OSBPL1A: variants seen among roughly 807,000 people sequenced by gnomAD.
OSBPL1A encodes oxysterol-binding protein-related protein 1.
A neutral mutation model predicts 137.1 loss-of-function variants in OSBPL1A; 80 were observed. That is an observed-to-expected ratio of 0.58 (90% CI 0.49 to 0.70). The LOEUF is 0.70. OSBPL1A is among the 30% of genes least tolerant of loss of function. OSBPL1A has a pLI of 0.00. For missense variants in OSBPL1A, 970 were observed against 1,129.4 expected (o/e 0.86, Z 2.02); for synonymous variants, 365 against 389.7 (o/e 0.94, Z 0.75).
In OSBPL1A at chr18:24,179,731, G is replaced by C. The variant is rs1282153883; in HGVS notation, c.1910+7C>G. On this transcript the variant is annotated splice_region_variant and intron_variant, in intron 20 of 27. Coordinates refer to ENST00000319481, the MANE Select transcript of OSBPL1A (RefSeq NM_080597.4). The stretch of plus-strand genomic sequence containing the variant: ...GCTGTATAAAGCATGCAAGTGAAAG[G>C]CCTCACCGCACTAATTCATAAGTCT... 6.2e-7 allele frequency: 1 copy of C among 1,611,182 alleles called. No homozygotes were observed. Among genetic ancestry groups the C allele is most frequent in the African/African-American group, 1.3e-5 (1 of 74,828 alleles).
chr18:24,247,089 C>T, intron 15 of OSBPL1A, among the ~76,000 whole-genome samples: 1 of 151,978 alleles, frequency 6.6e-6, no homozygotes, highest in East Asian at 1.9e-4. Context: ...TAGATAGCAA[C>T]ATTAAGGGAG....
intron 14 of OSBPL1A, among the ~76,000 whole-genome samples, chr18:24,295,387 C>A (rs933793529): frequency 2.6e-5 from 4 of 152,058 alleles, no homozygotes; most frequent in Non-Finnish European, 4.4e-5. Flanking sequence ...CTGATTATTT[C>A]TTTTTCTGTG....
In OSBPL1A at chr18:24,164,944, T is replaced by G. The variant is rs1477093443; in HGVS notation, c.2750+121A>C. 13 of 949,520 alleles carry G rather than the reference T, an allele frequency of 1.4e-5. No individual in the cohort carries two copies. In the Admixed American group the frequency reaches 3.0e-4, roughly 22 times the overall value. The allele number at this position is 949,520 out of a possible 1,614,324, so 58.8% of individuals were successfully genotyped here. A position where few individuals can be genotyped will look rare whatever the true frequency, so the allele number is the denominator to read the frequency against. ...AACTTTTTTTCAGGCCTGGGACAAC[T>G]CGGCAGGGTTTGTGTTAGATAGGCC... is the stretch of plus-strand genomic sequence containing the variant. On this transcript the variant is annotated intron_variant, in intron 27 of 27. Coordinates refer to ENST00000319481, the MANE Select transcript of OSBPL1A (RefSeq NM_080597.4).
At chr18:24,239,726 A>G (rs964191226) in intron 15 of OSBPL1A, among the ~76,000 whole-genome samples, 5 of 152,152 alleles carry the variant, frequency 3.3e-5, no homozygotes. Flanking sequence ...CATTAAGTAC[A>G]CAGTTAAAAA....
At chr18:24,347,841 G>GAAAAAAAAAAA (rs34599277) in intron 4 of OSBPL1A, 1 of 55,742 alleles carries the variant, frequency 1.8e-5, no homozygotes, top group Non-Finnish European at 3.2e-5. Flanking sequence ...CACTCCATCT[G>GAAAAAAAAAAA]AAAAAAAAAA....
intron 4 of OSBPL1A, among the ~76,000 whole-genome samples, chr18:24,362,245 A>G (rs1477429534): frequency 6.9e-6 from 1 of 143,926 alleles, no homozygotes; most frequent in Non-Finnish European, 1.5e-5. Flanking sequence ...GCAAGACCAT[A>G]AAAAAAAACA....
In OSBPL1A at chr18:24,178,020, G is replaced by A. The variant is rs1310058137; in HGVS notation, c.2086C>T (p.Leu696Phe). The A allele has an allele frequency of 6.2e-7, 1 of 1,613,486 alleles. No homozygotes were observed. The highest frequency in any genetic ancestry group is 8.5e-7 in the Non-Finnish European group (1 of 1,179,552). Residue 696 changes from leucine (L) to phenylalanine (F), a missense_variant, in exon 21 of 28, where the codon CTC (leucine) becomes TTC (phenylalanine). By Grantham distance (22) the Leu-to-Phe change is conservative. Around this residue, in one of 2 missense-constraint regions of OSBPL1A, gnomAD observed 323 missense variants for 456.8 expected, o/e 0.71. Coordinates refer to ENST00000319481, the MANE Select transcript of OSBPL1A (RefSeq NM_080597.4). ...GGCTTGATCAGAACTCACTCAAGGA[G>A]CTCCAAGGTGATGGTTCCTTTGGGT... ...AEPKGTITLELLEHNEAYTWT... is the reference protein window; with the variant it reads ...AEPKGTITLEFLEHNEAYTWT...
intron 17 of OSBPL1A, among the ~76,000 whole-genome samples, chr18:24,223,076 C>A (rs114910374): frequency 2.8e-4 from 43 of 151,976 alleles, no homozygotes; most frequent in African/African-American, 1.0e-3. Flanking sequence ...CAGGCTGATC[C>A]CCCAGGTCAT....
intron 4 of OSBPL1A, among the ~76,000 whole-genome samples, chr18:24,363,447 CTTTTTTT>C (rs575394950): frequency 3.8e-5 from 5 of 131,034 alleles, no homozygotes; most frequent in Non-Finnish European, 6.4e-5. Flanking sequence ...TCTTTTTTTC[CTTTTTTT>C]TTTTTTTTTT....
chr18:24,262,935 A>G (rs1014221206), intron 15 of OSBPL1A, among the ~76,000 whole-genome samples: 1 of 152,100 alleles, frequency 6.6e-6, no homozygotes, highest in Non-Finnish European at 1.5e-5. Flanking sequence ...CTTTAGATTC[A>G]TCCATGTTTT....
intron 18 of OSBPL1A, 134 bp downstream of exon 18, chr18:24,195,991 C>T: frequency 2.8e-6 from 2 of 722,350 alleles, no homozygotes; most frequent in Non-Finnish European, 4.6e-6. Context: ...TACGACTTTT[C>T]ACAATTTATG....
chr18:24,312,080 ATGTTCTTCTATTGCTTCCAGCCAGTCC>A lies in OSBPL1A; in HGVS notation c.970-1_995del. On this transcript the variant is annotated splice_acceptor_variant and coding_sequence_variant, in exon 13 of 28. Coordinates refer to ENST00000319481, the MANE Select transcript of OSBPL1A (RefSeq NM_080597.4). LOFTEE classifies it high-confidence loss of function. Reference sequence around the variant, plus strand: ...AACAGTAGTGAGTGCTGTAAGCAGAATGTTCTTCTATTGCTTCCAGCCAGTCCTGAAATCATGCAAGAATTTAAATGA... The same window carrying A: ...AACAGTAGTGAGTGCTGTAAGCAGAATGAAATCATGCAAGAATTTAAATGA... 1 of 1,614,096 alleles carries A rather than the reference ATGTTCTTCTATTGCTTCCAGCCAGTCC, an allele frequency of 6.2e-7. No individual in the cohort carries two copies. The highest frequency in any genetic ancestry group is 8.5e-7 in the Non-Finnish European group (1 of 1,179,964).
chr18:24,356,446 G>T (rs9957893), intron 4 of OSBPL1A, among the ~76,000 whole-genome samples: 3,522 of 152,224 alleles, frequency 0.023, 97 homozygotes, highest in African/African-American at 0.07. Context: ...GACACCAAGA[G>T]ATCCAAAATG....
chr18:24,283,584 G>A (rs182684520), intron 14 of OSBPL1A, among the ~76,000 whole-genome samples: 46 of 152,098 alleles, frequency 3.0e-4, no homozygotes, highest in Admixed American at 9.2e-4. Flanking sequence ...TATGCTAGGT[G>A]CCATATGACT....
chr18:24,381,535 T>C (rs951395341), intron 1 of OSBPL1A, among the ~76,000 whole-genome samples: 2 of 152,248 alleles, frequency 1.3e-5, no homozygotes, highest in Non-Finnish European at 2.9e-5. Flanking sequence ...ACAGTGATTG[T>C]AATGCCCTTT....
At chr18:24,181,986 C>T (rs1342133162) in intron 18 of OSBPL1A, among the ~76,000 whole-genome samples, 6 of 152,200 alleles carry the variant, frequency 3.9e-5, no homozygotes, top group African/African-American at 1.4e-4. Context: ...AATATGTCTA[C>T]ATTTGTCTTG....
At chr18:24,206,622 G>A (rs190393455) in intron 17 of OSBPL1A, among the ~76,000 whole-genome samples, 4 of 152,226 alleles carry the variant, frequency 2.6e-5, no homozygotes, top group African/African-American at 7.2e-5. Flanking sequence ...ATCCAGATCC[G>A]AGGGTTACGT....
chr18:24,167,262 T>G (rs1449817207), intron 25 of OSBPL1A, 67 bp downstream of exon 25: 2 of 1,448,386 alleles, frequency 1.4e-6, no homozygotes, highest in African/African-American at 2.8e-5. Context: ...ACCCTACACG[T>G]GCCAGGAAAG....
At position 24,293,123 on chromosome 18, in the gene OSBPL1A, A is replaced by G. The variant is rs1485105573; in HGVS notation, c.1174+10514T>C. ...CCGTCTCAAAAAAAAAAAAAAAAAA[A>G]AAAAAGAAAAGAAAAGAAAAAATTA... On this transcript the variant is annotated intron_variant, in intron 14 of 27. Coordinates refer to ENST00000319481, the MANE Select transcript of OSBPL1A (RefSeq NM_080597.4). Among the ~76,000 whole-genome samples the G allele has an allele frequency of 4.4e-3, 351 of 79,054 alleles. 4 individuals are homozygous for G. Among genetic ancestry groups the G allele is most frequent in the African/African-American group, 0.011 (242 of 22,810 alleles). 51.9% of individuals were successfully genotyped at this position (79,054 alleles called of 152,430 possible). A position where few individuals can be genotyped will look rare whatever the true frequency, so the allele number is the denominator to read the frequency against.
Sources: allele counts gnomAD v4.1 joint callset (sites outside exome capture counted in the v4.1 genomes callset), GRCh38; gene constraint gnomAD v4.1.1; regional missense constraint gnomAD v4.1.1; transcripts MANE v1.5; gene names NCBI Gene and HGNC (gene_info 2026-07-23, HGNC 2026-07-21).